DLG2: variants seen among roughly 807,000 people sequenced by gnomAD.
The protein encoded by DLG2 is disks large homolog 2.
Under a neutral mutation model 132.5 loss-of-function variants are expected in DLG2, and 45 were observed. The ratio of observed to expected loss-of-function variants is 0.34; its 90% CI spans 0.27 to 0.44. DLG2 has a LOEUF of 0.44. DLG2 is among the 20% of genes least tolerant of loss of function. DLG2 has a pLI of 1.00. For synonymous variants in DLG2, 424 were observed against 419.6 expected (o/e 1.01, Z -0.13); for missense variants, 1,045 against 1,196.9 (o/e 0.87, Z 1.87).
intron 19 of DLG2, among the ~76,000 whole-genome samples, chr11:83,560,473 A>G (rs1168310037): frequency 6.6e-6 from 1 of 150,456 alleles, no homozygotes; most frequent in Non-Finnish European, 1.5e-5. Context: ...TGGAGAGTTG[A>G]GAGTCAAAGC....
intron 18 of DLG2, among the ~76,000 whole-genome samples, chr11:83,656,581 T>A (rs1172955064): frequency 6.6e-6 from 1 of 152,180 alleles, no homozygotes; most frequent in African/African-American, 2.4e-5. Flanking sequence ...CAAGTCAGAA[T>A]TCCTTCCACG....
At chr11:84,739,021 G>T (rs996542454) in intron 6 of DLG2, among the ~76,000 whole-genome samples, 4 of 152,082 alleles carry the variant, frequency 2.6e-5, no homozygotes, top group Non-Finnish European at 5.9e-5. Flanking sequence ...TAGATCTACT[G>T]CTTCCTAGGC....
At chr11:83,724,962 C>T (rs2089702089) in intron 18 of DLG2, 9 of 701,530 alleles carry the variant, frequency 1.3e-5, no homozygotes, top group South Asian at 4.4e-5. Flanking sequence ...GTATAAACTC[C>T]GCCTGGCCAG....
At chr11:84,934,102 A>G (rs897576472) in intron 6 of DLG2, among the ~76,000 whole-genome samples, 5 of 152,012 alleles carry the variant, frequency 3.3e-5, no homozygotes, top group African/African-American at 1.2e-4. Context: ...ATTTTATTGA[A>G]ATCCTCTTCT....
rs556429309 is a variant in DLG2 at position 83,838,460 on chromosome 11, G to A, written c.1566-4690C>T. ...TAACTGAGTTTAGTAAGCAGCAAAG[G>A]CAGGATTAAGGACATAGATTTTCTG... On this transcript the variant is annotated intron_variant, in intron 16 of 27. Coordinates refer to ENST00000376104, the MANE Select transcript of DLG2 (RefSeq NM_001142699.3). Among the ~76,000 whole-genome samples the A allele has an allele frequency of 5.8e-4, 89 of 152,232 alleles. 1 individual carries two copies. Among genetic ancestry groups the A allele is most frequent in the African/African-American group, 2.1e-3 (87 of 41,534 alleles).
chr11:84,710,565 C>T (rs2060269096), intron 6 of DLG2, among the ~76,000 whole-genome samples: 1 of 151,728 alleles, frequency 6.6e-6, no homozygotes, highest in Admixed American at 6.6e-5. Context: ...ATGATAGTAT[C>T]ATTATTTGCC....
At chr11:83,819,286 A>G (rs1273378322) in intron 17 of DLG2, among the ~76,000 whole-genome samples, 1 of 151,950 alleles carries the variant, frequency 6.6e-6, no homozygotes, top group Non-Finnish European at 1.5e-5. Flanking sequence ...CCTGGCCAAC[A>G]TGGTGAAACC....
chr11:83,726,663 T>C (rs749583364), intron 18 of DLG2, among the ~76,000 whole-genome samples: 8 of 152,084 alleles, frequency 5.3e-5, no homozygotes, highest in Non-Finnish European at 8.8e-5. Flanking sequence ...TATTTGACCA[T>C]TGCCAAACAG....
chr11:84,734,697 G>A (rs1342099329), intron 6 of DLG2, among the ~76,000 whole-genome samples: 1 of 152,050 alleles, frequency 6.6e-6, no homozygotes, highest in African/African-American at 2.4e-5. Context: ...GGTGAGAGAG[G>A]GCATCCCTGT....
At chr11:84,277,463 A>C (rs2097793279) in intron 7 of DLG2, among the ~76,000 whole-genome samples, 1 of 152,232 alleles carries the variant, frequency 6.6e-6, no homozygotes, top group South Asian at 2.1e-4. Flanking sequence ...TAAATGACAC[A>C]ATTCCAAATA....
At chr11:85,089,980 CT>C (rs1170033473) in intron 6 of DLG2, among the ~76,000 whole-genome samples, 2 of 152,144 alleles carry the variant, frequency 1.3e-5, no homozygotes, top group Admixed American at 6.5e-5. Context: ...TAAATTTGAT[CT>C]GATTTTATTT....
At chr11:84,172,716 T>C (rs1237889872) in intron 8 of DLG2, among the ~76,000 whole-genome samples, 1 of 152,102 alleles carries the variant, frequency 6.6e-6, no homozygotes, top group Non-Finnish European at 1.5e-5. Context: ...CTAATTTTTG[T>C]ATTTTTAGTA....
chr11:83,660,629 G>A (rs955650931), intron 18 of DLG2, among the ~76,000 whole-genome samples: 3 of 152,120 alleles, frequency 2.0e-5, no homozygotes, highest in Middle Eastern at 3.4e-3. Flanking sequence ...GATATAATAC[G>A]TCACCTTGGT....
Position 84,488,380 on chromosome 11 carries a change from T to A in DLG2, c.519+46190A>T, listed in dbSNP as rs75189070. Among the ~76,000 whole-genome samples the A allele has an allele frequency of 3.4e-3, 516 of 152,206 alleles. 2 individuals are homozygous for A. The highest frequency in any genetic ancestry group is 0.012 in the African/African-American group (478 of 41,542). On this transcript the variant is annotated intron_variant, in intron 7 of 27. Coordinates refer to ENST00000376104, the MANE Select transcript of DLG2 (RefSeq NM_001142699.3). ...GATGACCTCCAGATCTTGTTGGAAT[T>A]GGGGAAGGCCTTAGTTGATGGCCAT... is the stretch of plus-strand genomic sequence containing the variant.
intron 3 of DLG2, among the ~76,000 whole-genome samples, chr11:85,537,989 A>C (rs904351609): frequency 1.3e-5 from 2 of 151,744 alleles, no homozygotes; most frequent in African/African-American, 4.9e-5. Flanking sequence ...GGTGGCAGGC[A>C]CCTGTAATCC....
chr11:84,867,065 G>C (rs868846079), intron 6 of DLG2, among the ~76,000 whole-genome samples: 5 of 152,164 alleles, frequency 3.3e-5, no homozygotes, highest in Non-Finnish European at 5.9e-5. Flanking sequence ...GCTCAGTTTA[G>C]CTAAATAAAC....
chr11:84,371,700 T>G (rs151080975), intron 7 of DLG2, among the ~76,000 whole-genome samples: 1 of 152,318 alleles, frequency 6.6e-6, no homozygotes, highest in East Asian at 1.9e-4. Context: ...ATTCCTATAC[T>G]TCTCATGGTG....
intron 15 of DLG2, among the ~76,000 whole-genome samples, chr11:83,918,204 C>T (rs1002374645): frequency 6.6e-6 from 1 of 152,092 alleles, no homozygotes; most frequent in Non-Finnish European, 1.5e-5. Flanking sequence ...CATTAGGGGG[C>T]CTTTTACAGA....
intron 7 of DLG2, among the ~76,000 whole-genome samples, chr11:84,520,942 C>T (rs2099296721): frequency 6.6e-6 from 1 of 152,152 alleles, no homozygotes; most frequent in Non-Finnish European, 1.5e-5. Context: ...TAGCTCTTAT[C>T]CCACACACTG....
Sources: allele counts gnomAD v4.1 joint callset (sites outside exome capture counted in the v4.1 genomes callset), GRCh38; gene constraint gnomAD v4.1.1; transcripts MANE v1.5; gene names NCBI Gene and HGNC (gene_info 2026-07-23, HGNC 2026-07-21).